TBCK: variants seen among roughly 807,000 people sequenced by gnomAD.
TBCK encodes TBC1 domain containing kinase.
In TBCK, 99 loss-of-function variants were observed where a neutral mutation model predicts 113.4. The observed-to-expected ratio is 0.87, with a 90% CI of 0.74 to 1.03. The LOEUF (loss-of-function observed/expected upper bound fraction) is 1.03, where lower values mean the gene tolerates loss of function less well. Among genes scored for constraint, TBCK ranks in the 50% least tolerant of loss-of-function variants. The pLI, the probability that TBCK is intolerant of heterozygous loss-of-function variation, is 0.00. For missense variants in TBCK, 1,045 were observed against 1,061.3 expected (o/e 0.98, Z 0.21); for synonymous variants, 369 against 370.8 (o/e 1.00, Z 0.05).
At chr4:106,206,871 T>G (rs916347341) in intron 20 of TBCK, among the ~76,000 whole-genome samples, 2 of 152,154 alleles carry the variant, frequency 1.3e-5, no homozygotes, top group Admixed American at 6.5e-5. Context: ...ATCATGGAAT[T>G]TGTTAGCTTT....
At chr4:106,100,771 T>C (rs1000990919) in intron 24 of TBCK, among the ~76,000 whole-genome samples, 27 of 152,230 alleles carry the variant, frequency 1.8e-4, no homozygotes, top group Admixed American at 1.5e-3. Context: ...TTATGAGACA[T>C]TTTCAATGAG....
chr4:106,090,934 GTCT>G (rs1220854674), intron 25 of TBCK, among the ~76,000 whole-genome samples: 4 of 152,086 alleles, frequency 2.6e-5, no homozygotes, highest in Non-Finnish European at 5.9e-5. Context: ...TCATTTTCCT[GTCT>G]TCTTCTGAGC....
intron 20 of TBCK, among the ~76,000 whole-genome samples, chr4:106,204,751 ATTTTTTT>A (rs34775295): frequency 6.9e-5 from 6 of 87,272 alleles, no homozygotes; most frequent in South Asian, 4.3e-4. Flanking sequence ...ACAAACAATG[ATTTTTTT>A]TTTTTTTTTT....
At chr4:106,195,413 T>G (rs1001661012) in intron 20 of TBCK, among the ~76,000 whole-genome samples, 1 of 151,888 alleles carries the variant, frequency 6.6e-6, no homozygotes, top group East Asian at 1.9e-4. Flanking sequence ...TACAGAATAT[T>G]TCTGAGATTT....
chr4:106,270,006 T>C (rs1423981542), intron 3 of TBCK, among the ~76,000 whole-genome samples: 1 of 152,052 alleles, frequency 6.6e-6, no homozygotes, highest in Non-Finnish European at 1.5e-5. Flanking sequence ...AAGTAAAAAA[T>C]GTAACACCAA....
intron 22 of TBCK, among the ~76,000 whole-genome samples, chr4:106,190,584 C>A (rs1287812678): frequency 6.6e-6 from 1 of 152,124 alleles, no homozygotes; most frequent in African/African-American, 2.4e-5. Flanking sequence ...AAACTCAAAG[C>A]CTTATTGTTT....
At chr4:106,216,470 C>T (rs1269763151) in intron 19 of TBCK, among the ~76,000 whole-genome samples, 1 of 151,538 alleles carries the variant, frequency 6.6e-6, no homozygotes, top group Non-Finnish European at 1.5e-5. Flanking sequence ...AGACCGCTAG[C>T]AAGAATAATA....
At chr4:106,217,423 A>T (rs1757087932) in intron 19 of TBCK, among the ~76,000 whole-genome samples, 1 of 152,212 alleles carries the variant, frequency 6.6e-6, no homozygotes, top group African/African-American at 2.4e-5. Context: ...AGAGGAAGTC[A>T]AATTGTCCCT....
chr4:106,278,514 G>A (rs1424439198), intron 3 of TBCK, among the ~76,000 whole-genome samples: 4 of 136,896 alleles, frequency 2.9e-5, no homozygotes, highest in Non-Finnish European at 3.0e-5. Flanking sequence ...AGCCCAGATC[G>A]TGCCACTGCA....
chr4:106,148,158 T>G (rs1050207756), intron 23 of TBCK, among the ~76,000 whole-genome samples: 3 of 152,172 alleles, frequency 2.0e-5, no homozygotes, highest in Non-Finnish European at 2.9e-5. Flanking sequence ...TGCCCGAAAC[T>G]TCATTAGCAA....
intron 22 of TBCK, among the ~76,000 whole-genome samples, chr4:106,184,181 C>T (rs1028444883): frequency 6.6e-6 from 1 of 151,986 alleles, no homozygotes; most frequent in Non-Finnish European, 1.5e-5. Flanking sequence ...AATCTAGCTG[C>T]CCCGTAATAT....
intron 3 of TBCK, among the ~76,000 whole-genome samples, chr4:106,267,824 C>T (rs1763126137): frequency 6.6e-6 from 1 of 151,954 alleles, no homozygotes. Context: ...TTACTGTCTT[C>T]ATGATTAAAT....
At chr4:106,269,545 C>A (rs1763288034) in intron 3 of TBCK, among the ~76,000 whole-genome samples, 1 of 152,064 alleles carries the variant, frequency 6.6e-6, no homozygotes, top group Non-Finnish European at 1.5e-5. Context: ...CATGTTTTAG[C>A]CTGAAAGGAC....
intron 2 of TBCK, among the ~76,000 whole-genome samples, chr4:106,297,521 C>A (rs1766436548): frequency 6.6e-6 from 1 of 152,110 alleles, no homozygotes; most frequent in Non-Finnish European, 1.5e-5. Context: ...CTACAACAAT[C>A]TTTTAACTGA....
At chr4:106,162,966 A>G (rs1304160738) in intron 23 of TBCK, among the ~76,000 whole-genome samples, 1 of 152,094 alleles carries the variant, frequency 6.6e-6, no homozygotes, top group Non-Finnish European at 1.5e-5. Context: ...TCCCCAGGAA[A>G]TGGGTTTTTC....
chr4:106,054,873 G>A (rs748355154), intron 25 of TBCK, among the ~76,000 whole-genome samples: 10 of 151,576 alleles, frequency 6.6e-5, no homozygotes, highest in Admixed American at 2.6e-4. Context: ...TTTACTAATA[G>A]AGTCTTCACC....
chr4:106,259,433 T>C (rs1254314731), intron 5 of TBCK, among the ~76,000 whole-genome samples: 1 of 151,838 alleles, frequency 6.6e-6, no homozygotes, highest in Non-Finnish European at 1.5e-5. Context: ...TGAAAAAATA[T>C]GATTAATGTC....
chr4:106,289,795 G>A (rs567425989), intron 3 of TBCK, among the ~76,000 whole-genome samples: 11 of 150,126 alleles, frequency 7.3e-5, no homozygotes, highest in East Asian at 1.9e-4. Flanking sequence ...AAAAAAAGAC[G>A]ATTGATGTAT....
chr4:106,210,473 T>C (rs1398605584), intron 20 of TBCK, among the ~76,000 whole-genome samples: 1 of 152,180 alleles, frequency 6.6e-6, no homozygotes, highest in African/African-American at 2.4e-5. Flanking sequence ...GGCTAACTTA[T>C]AAGCTTTCAA....
Sources: allele counts gnomAD v4.1 joint callset (sites outside exome capture counted in the v4.1 genomes callset), GRCh38; gene constraint gnomAD v4.1.1; transcripts MANE v1.5; gene names NCBI Gene and HGNC (gene_info 2026-07-23, HGNC 2026-07-21).